DYNC2H1: variants seen among roughly 807,000 people sequenced by gnomAD.
DYNC2H1 encodes the protein cytoplasmic dynein 2 heavy chain 1.
DYNC2H1 carries 410 observed loss-of-function variants against 570.0 expected under a neutral mutation model. That is an observed-to-expected ratio of 0.72 (90% CI 0.66 to 0.78). The LOEUF (loss-of-function observed/expected upper bound fraction) is 0.78. DYNC2H1 is among the 30% of genes least tolerant of loss of function. The probability of loss-of-function intolerance (pLI) is 0.00; values close to 1 mark genes in which losing one functional copy is unlikely to be tolerated. For synonymous variants in DYNC2H1, 1,688 were observed against 1,677.6 expected (o/e 1.01, Z -0.15); for missense variants, 4,865 against 5,046.4 (o/e 0.96, Z 1.09).
chr11:103,222,682 G>A (rs1241829215), intron 58 of DYNC2H1, among the ~76,000 whole-genome samples: 2 of 152,146 alleles, frequency 1.3e-5, no homozygotes, highest in African/African-American at 4.8e-5. Flanking sequence ...GATGACACAT[G>A]TATTCATTAG....
intron 84 of DYNC2H1, among the ~76,000 whole-genome samples, chr11:103,432,413 A>G (rs536470097): frequency 4.0e-4 from 61 of 152,218 alleles, no homozygotes; most frequent in African/African-American, 1.5e-3. Flanking sequence ...GTTGTTGTCA[A>G]CTTCCGATAA....
Position 103,189,808 on chromosome 11 carries a change from T to C in DYNC2H1, c.7429T>C (p.Tyr2477His). Residue 2477 changes from tyrosine to histidine, a missense_variant, in exon 45 of 89, where the codon TAT becomes CAT. By Grantham distance (83) the Tyr-to-His change is moderately conservative. This residue lies in a region of DYNC2H1 where 2,401 missense variants were observed against 2,454.6 expected (regional missense o/e 0.98). Coordinates refer to ENST00000375735, the MANE Select transcript of DYNC2H1 (RefSeq NM_001377.3). This position sits in a 1 kb window ranked among gnomAD's most constrained non-coding sequence, Gnocchi z 4.3. ...YLLAGSMVQVYEQVRAKFTVD... is the reference protein window; with the variant it reads ...YLLAGSMVQVHEQVRAKFTVD... ...TTTAGCAGGATCTATGGTACAAGTG[T>C]ATGAACAGGTAGATATGCATCTAAA... 1 of 1,604,906 alleles carries C rather than the reference T, an allele frequency of 6.2e-7. No individual in the cohort carries two copies.
chr11:103,267,094 G>A (rs1444394949), intron 70 of DYNC2H1, among the ~76,000 whole-genome samples: 2 of 152,076 alleles, frequency 1.3e-5, no homozygotes, highest in African/African-American at 4.8e-5. Context: ...GTGGTCAAGG[G>A]ATCTTTTCCT....
chr11:103,123,741 C>T (rs1405006282), intron 11 of DYNC2H1, among the ~76,000 whole-genome samples: 3 of 152,154 alleles, frequency 2.0e-5, no homozygotes, highest in Non-Finnish European at 4.4e-5. Flanking sequence ...TACCAACGGT[C>T]TGAGATCTGC....
chr11:103,234,141 A>T lies in DYNC2H1; in HGVS notation c.9548A>T (p.His3183Leu). ...EVLINQLDRE[H>L]KRWNAQVVEI... ...TTAATTAATCAGCTTGACAGAGAACATAAGAGATGGAATGCACAGGTTTGT... is the reference window on the plus strand; with the variant it reads ...TTAATTAATCAGCTTGACAGAGAACTTAAGAGATGGAATGCACAGGTTTGT... The change falls in exon 61 of 89, where the codon CAT becomes CTT. Residue 3183 changes from histidine (H) to leucine (L), a missense_variant. His to Leu is a moderately conservative substitution (Grantham distance 99). This residue lies in a region of DYNC2H1 where 2,401 missense variants were observed against 2,454.6 expected (regional missense o/e 0.98). Transcript: ENST00000375735. 6.3e-7 allele frequency: 1 copy of T among 1,584,884 alleles called. No homozygotes were observed. The highest frequency in any genetic ancestry group is 8.6e-7 in the Non-Finnish European group (1 of 1,164,140).
rs1326909718 is a variant in DYNC2H1 at position 103,189,796 on chromosome 11, A to G, written c.7417A>G (p.Met2473Val). ...SSKIYLLAGS[M>V]VQVYEQVRAK... The stretch of plus-strand genomic sequence containing the variant: ...AAAAATTTATCTTTTAGCAGGATCT[A>G]TGGTACAAGTGTATGAACAGGTAGA... The change falls in exon 45 of 89, where the codon ATG (methionine) becomes GTG (valine). Residue 2473 changes from methionine (M) to valine (V), a missense_variant. Transcript: ENST00000375735. This position sits in a 1 kb window ranked among gnomAD's most constrained non-coding sequence, Gnocchi z 4.3. 3 of 1,610,606 alleles carry G rather than the reference A, an allele frequency of 1.9e-6. No homozygotes were observed. The highest frequency in any genetic ancestry group is 1.1e-5 in the South Asian group (1 of 90,674).
At chr11:103,265,113 A>G (rs2135288961) in intron 70 of DYNC2H1, among the ~76,000 whole-genome samples, 1 of 152,346 alleles carries the variant, frequency 6.6e-6, no homozygotes, top group Non-Finnish European at 1.5e-5. Context: ...ACACAGGAAC[A>G]GAAAACCAAA....
intron 25 of DYNC2H1, 139 bp downstream of exon 25, chr11:103,155,640 T>G (rs2134891613): frequency 1.2e-6 from 1 of 837,472 alleles, no homozygotes. Context: ...ACACAAATCA[T>G]TTTACATAAA....
At position 103,326,431 on chromosome 11, in the gene DYNC2H1, CCG is replaced by C. The variant is rs1436092828; in HGVS notation, c.12039+2443_12039+2444del. Reference sequence around the variant, plus strand: ...CCAGCCCTGTGGAGGGACGTACGAACCGCCTCTGTGCTGGCCCACAAACCTGC... The same window carrying C: ...CCAGCCCTGTGGAGGGACGTACGAACCCTCTGTGCTGGCCCACAAACCTGC... On this transcript the variant is annotated intron_variant, in intron 82 of 88. Transcript: ENST00000375735. The surrounding 1 kb of genome is among the most constrained non-coding windows in gnomAD (Gnocchi z 6.1). Among the ~76,000 whole-genome samples, 1 of 152,180 alleles carries C rather than the reference CCG, an allele frequency of 6.6e-6. No individual in the cohort carries two copies. Among genetic ancestry groups the C allele is most frequent in the Non-Finnish European group, 1.5e-5 (1 of 68,038 alleles).
At chr11:103,424,528 A>G (rs1943599625) in intron 84 of DYNC2H1, among the ~76,000 whole-genome samples, 1 of 152,194 alleles carries the variant, frequency 6.6e-6, no homozygotes. Flanking sequence ...AAAGCAACTT[A>G]ATTTTTAAGA....
At position 103,312,011 on chromosome 11, in the gene DYNC2H1, AAAG is replaced by A. The variant is rs1303732855; in HGVS notation, c.11633_11635del (p.Arg3878del). On this transcript the variant is annotated inframe_deletion, in exon 79 of 89. Transcript: ENST00000375735. ...GCATGGTTTCATGCTGCATGTCAAG[AAAG>A]AAGAAACTATATTCCTCAGGTAAGT... 5.0e-6 allele frequency: 8 copies of A among 1,611,912 alleles called. No homozygotes were observed. In the African/African-American group the frequency reaches 5.3e-5, roughly 11 times the overall value.
At chr11:103,471,711 A>G (rs1278053261) in intron 88 of DYNC2H1, among the ~76,000 whole-genome samples, 1 of 152,190 alleles carries the variant, frequency 6.6e-6, no homozygotes, top group East Asian at 1.9e-4. Flanking sequence ...TTGAGTTTTT[A>G]TATACCAGAT....
intron 4 of DYNC2H1, among the ~76,000 whole-genome samples, 185 bp downstream of exon 4, chr11:103,115,480 A>G (rs939542929): frequency 6.6e-6 from 1 of 152,136 alleles, no homozygotes; most frequent in African/African-American, 2.4e-5. Context: ...TTAAATTCTA[A>G]TCTCTATAAA....
At chr11:103,279,368 T>G (rs532649718) in intron 70 of DYNC2H1, among the ~76,000 whole-genome samples, 7 of 152,328 alleles carry the variant, frequency 4.6e-5, no homozygotes, top group Admixed American at 2.6e-4. Flanking sequence ...TTATTTAATT[T>G]CAAAGAGTTG....
intron 83 of DYNC2H1, among the ~76,000 whole-genome samples, chr11:103,379,724 G>A (rs1207995123): frequency 6.6e-6 from 1 of 152,136 alleles, no homozygotes; most frequent in Non-Finnish European, 1.5e-5. Context: ...AACAAACCAT[G>A]ACAGATTCTG....
chr11:103,121,605 C>A, intron 10 of DYNC2H1, 109 bp downstream of exon 10: 1 of 1,210,858 alleles, frequency 8.3e-7, no homozygotes, highest in Non-Finnish European at 1.1e-6. Context: ...TTTTCCTTGG[C>A]ATGTCTGTCT....
At chr11:103,391,256 A>T (rs1053276581) in intron 83 of DYNC2H1, among the ~76,000 whole-genome samples, 2 of 152,084 alleles carry the variant, frequency 1.3e-5, no homozygotes, top group African/African-American at 4.8e-5. Flanking sequence ...TTGATCTTCA[A>T]TCACTGATAT....
At chr11:103,310,240 C>T (rs11225682) in intron 78 of DYNC2H1, among the ~76,000 whole-genome samples, 26,231 of 151,468 alleles carry the variant, frequency 0.17, 2,440 homozygotes, top group Admixed American at 0.26. Flanking sequence ...TTTCTGTTTT[C>T]CTTTCTAATG....
At position 103,241,846 on chromosome 11, in the gene DYNC2H1, C is replaced by G. The variant is rs990673769; in HGVS notation, c.9820-1847C>G. 6.6e-6 allele frequency among the ~76,000 whole-genome samples: 1 copy of G among 151,352 alleles called. No homozygotes were observed. Among genetic ancestry groups the G allele is most frequent in the African/African-American group, 2.4e-5 (1 of 40,914 alleles). On this transcript the variant is annotated intron_variant, in intron 63 of 88. Transcript: ENST00000375735. The surrounding 1 kb of genome is among the most constrained non-coding windows in gnomAD (Gnocchi z 5.1). ...GTGGGTGCAAGTGAAAACAAGGTAC[C>G]TTGTCTGTGGACCATTTTAAAATAA... is the stretch of plus-strand genomic sequence containing the variant.
Sources: gnomAD v4.1 joint callset for allele counts (sites outside exome capture counted in the v4.1 genomes callset) on GRCh38, gnomAD v4.1.1 for gene constraint, gnomAD v4.1.1 regional missense constraint, Gnocchi (gnomAD v3.1) non-coding constraint, MANE v1.5 for transcripts, NCBI Gene and HGNC (gene_info 2026-07-23, HGNC 2026-07-21) for gene names.